Variants in KMO observed in about 807,000 individuals in gnomAD.
KMO encodes kynurenine 3-hydroxylase.
In KMO, 24 loss-of-function variants were observed where a neutral mutation model predicts 57.8. The ratio of observed to expected loss-of-function variants is 0.42; its 90% CI spans 0.30 to 0.58. KMO has a LOEUF of 0.58. KMO is among the 20% of genes least tolerant of loss of function. KMO has a pLI of 0.22. For missense variants in KMO, 483 were observed against 588.2 expected (o/e 0.82, Z 1.85); for synonymous variants, 210 against 193.6 (o/e 1.08, Z -0.70).
intron 1 of KMO, among the ~76,000 whole-genome samples, chr1:241,542,870 C>T (rs1335776497): frequency 6.6e-6 from 1 of 152,156 alleles, no homozygotes; most frequent in Non-Finnish European, 1.5e-5. Flanking sequence ...CAGTTATTCC[C>T]AATTAAGCAC....
intron 10 of KMO, among the ~76,000 whole-genome samples, chr1:241,586,038 G>T (rs554986911): frequency 2.5e-3 from 377 of 151,946 alleles, no homozygotes; most frequent in South Asian, 4.2e-3. Flanking sequence ...AAAACTTATG[G>T]TAGAGCAATA....
At chr1:241,562,531 C>T (rs1461158416) in intron 7 of KMO, among the ~76,000 whole-genome samples, 199 bp downstream of exon 7, 3 of 152,168 alleles carry the variant, frequency 2.0e-5, no homozygotes, top group Non-Finnish European at 4.4e-5. Context: ...GTTTGATATG[C>T]TTTCTGGAGT....
chr1:241,588,572 G>A (rs1409123376), intron 11 of KMO, among the ~76,000 whole-genome samples, 176 bp from the exon 12 acceptor site: 1 of 151,228 alleles, frequency 6.6e-6, no homozygotes, highest in Non-Finnish European at 1.5e-5. Context: ...AATCACAACA[G>A]GAAATGCTCT....
rs115970650 is a variant in KMO, at chr1:241,557,200, T to C, written c.361+1540T>C. ...ACGTGTTCATGGAAAAGCCACTGGA[T>C]TACAAATTAAATTTGTGGTTTGCGT... is the stretch of plus-strand genomic sequence containing the variant. On this transcript the variant is annotated intron_variant, in intron 5 of 14. Coordinates refer to ENST00000366559, the MANE Select transcript of KMO (RefSeq NM_003679.5). 7.2e-3 allele frequency among the ~76,000 whole-genome samples: 1,099 copies of C among 152,300 alleles called. 19 individuals are homozygous for C. The highest frequency in any genetic ancestry group is 0.026 in the African/African-American group (1,068 of 41,564).
chr1:241,536,792 T>C (rs933326649), intron 1 of KMO, among the ~76,000 whole-genome samples: 1 of 152,102 alleles, frequency 6.6e-6, no homozygotes, highest in African/African-American at 2.4e-5. Flanking sequence ...GTGAGGAGAT[T>C]TGTACGTATT....
At chr1:241,560,841 A>AAAGATTTT in intron 6 of KMO, 89 bp downstream of exon 6, 1 of 850,174 alleles carries the variant, frequency 1.2e-6, no homozygotes, top group South Asian at 1.4e-5. Flanking sequence ...CTCTTTTGAA[A>AAAGATTTT]GAGTTAAAAG....
At chr1:241,576,789 C>G (rs573971547) in intron 10 of KMO, among the ~76,000 whole-genome samples, 4 of 152,220 alleles carry the variant, frequency 2.6e-5, no homozygotes, top group African/African-American at 9.6e-5. Flanking sequence ...TTGCATATCT[C>G]AATCTGTAGC....
In KMO at chr1:241,593,406, G is replaced by T. The variant is rs371271799; in HGVS notation, c.*1253G>T. 1 of 427,958 alleles carries T rather than the reference G, an allele frequency of 2.3e-6. No homozygotes were observed. Among genetic ancestry groups the T allele is most frequent in the Non-Finnish European group, 5.1e-6 (1 of 195,240 alleles). 26.5% of individuals were successfully genotyped at this position (427,958 alleles called of 1,614,324 possible). ...AAATCCTTCAAACATGATTAATTATGAAGATGAAACACTAGAGTCATATAA... is the reference window on the plus strand; with the variant it reads ...AAATCCTTCAAACATGATTAATTATTAAGATGAAACACTAGAGTCATATAA... On this transcript the variant is annotated 3_prime_UTR_variant, in exon 15 of 15. Transcript: ENST00000366559.
chr1:241,571,387 T>G (rs1365207785), intron 10 of KMO, among the ~76,000 whole-genome samples: 1 of 152,078 alleles, frequency 6.6e-6, no homozygotes, highest in East Asian at 1.9e-4. Flanking sequence ...AGATTTTCAG[T>G]TTTTCCTCAT....
intron 1 of KMO, among the ~76,000 whole-genome samples, chr1:241,534,017 G>A (rs1245632859): frequency 1.3e-5 from 2 of 152,258 alleles, no homozygotes; most frequent in African/African-American, 2.4e-5. Flanking sequence ...TGAGGCCAGA[G>A]AAGAGTAGCT....
Position 241,568,496 on chromosome 1 carries a change from GA to G in KMO, c.810-2del, listed in dbSNP as rs1286509025. On this transcript the variant is annotated splice_region_variant and splice_polypyrimidine_tract_variant and intron_variant, in intron 9 of 14. Coordinates refer to ENST00000366559, the MANE Select transcript of KMO (RefSeq NM_003679.5). Reference sequence around the variant, plus strand: ...CTTTATATTCGGATTATTTTCCTTTGAAGGAAACTCCTAGTGCAAGATTTCT... The same window carrying G: ...CTTTATATTCGGATTATTTTCCTTTGAGGAAACTCCTAGTGCAAGATTTCT... 6.2e-7 allele frequency: 1 copy of G among 1,613,012 alleles called. No individual in the cohort carries two copies. The highest frequency in any genetic ancestry group is 1.7e-5 in the Admixed American group (1 of 59,968).
At chr1:241,569,195 G>T (rs1023846731) in intron 10 of KMO, among the ~76,000 whole-genome samples, 1 of 151,824 alleles carries the variant, frequency 6.6e-6, no homozygotes, top group African/African-American at 2.4e-5. Context: ...CTCTTTTAGT[G>T]ATTTTAAAAT....
At chr1:241,549,334 TGAAAA>T (rs1420733552) in intron 2 of KMO, among the ~76,000 whole-genome samples, 2 of 142,402 alleles carry the variant, frequency 1.4e-5, no homozygotes, top group Non-Finnish European at 3.1e-5. Context: ...GAAAGAAAGA[TGAAAA>T]GAAAGAAAGA....
chr1:241,559,100 C>CAA (rs370682833), intron 5 of KMO, among the ~76,000 whole-genome samples: 323 of 95,626 alleles, frequency 3.4e-3, no homozygotes, highest in African/African-American at 0.012. Context: ...AACTCTGTCT[C>CAA]AAAAAAAAAA....
At chr1:241,547,105 A>G (rs573181402) in intron 1 of KMO, among the ~76,000 whole-genome samples, 1 of 152,362 alleles carries the variant, frequency 6.6e-6, no homozygotes, top group South Asian at 2.1e-4. Flanking sequence ...GTAAACTACC[A>G]CAGCCTATAT....
At chr1:241,583,531 C>A (rs1399003627) in intron 10 of KMO, among the ~76,000 whole-genome samples, 1 of 152,086 alleles carries the variant, frequency 6.6e-6, no homozygotes, top group Non-Finnish European at 1.5e-5. Context: ...GACCTCTATA[C>A]TTTTTCTTCT....
chr1:241,563,852 T>C (rs1411342291), intron 7 of KMO, among the ~76,000 whole-genome samples: 2 of 152,194 alleles, frequency 1.3e-5, no homozygotes, highest in Admixed American at 6.5e-5. Flanking sequence ...GTGTCTTTTT[T>C]TTCTTTTGTT....
chr1:241,570,599 G>A (rs923138539), intron 10 of KMO, among the ~76,000 whole-genome samples: 8 of 151,876 alleles, frequency 5.3e-5, no homozygotes, highest in African/African-American at 1.9e-4. Flanking sequence ...AAAATTGAAT[G>A]TGGATATATT....
At chr1:241,551,469 A>C (rs192173454) in intron 4 of KMO, among the ~76,000 whole-genome samples, 13 of 152,266 alleles carry the variant, frequency 8.5e-5, no homozygotes, top group African/African-American at 2.6e-4. Flanking sequence ...TTATAATAGA[A>C]TGTATGGAAT....
Sources: gnomAD v4.1 joint callset for allele counts (sites outside exome capture counted in the v4.1 genomes callset) on GRCh38, gnomAD v4.1.1 for gene constraint, MANE v1.5 for transcripts, NCBI Gene and HGNC (gene_info 2026-07-23, HGNC 2026-07-21) for gene names.